CSMD1: variants seen among roughly 807,000 people sequenced by gnomAD.
CSMD1 encodes the protein CUB and sushi domain-containing protein 1.
A neutral mutation model predicts 417.5 loss-of-function variants in CSMD1; 213 were observed. The ratio of observed to expected loss-of-function variants is 0.51; its 90% CI spans 0.46 to 0.57. The LOEUF (loss-of-function observed/expected upper bound fraction) is 0.57, where lower values mean the gene tolerates loss of function less well. Ranked by LOEUF, CSMD1 falls within the 20% of genes least tolerant of loss-of-function variation. The pLI, the probability that CSMD1 is intolerant of heterozygous loss-of-function variation, is 0.00. For synonymous variants in CSMD1, 2,862 were observed against 1,736.8 expected (o/e 1.65, Z -16.11); for missense variants, 6,923 against 4,529.7 (o/e 1.53, Z -15.17).
chr8:3,230,353 C>A, intron 26 of CSMD1, 122 bp from the exon 27 acceptor site: 2 of 608,598 alleles, frequency 3.3e-6, no homozygotes. Context: ...TTTGTCTACA[C>A]ATGAACATAC....
intron 3 of CSMD1, among the ~76,000 whole-genome samples, chr8:4,154,097 A>G (rs1796706179): frequency 6.6e-6 from 1 of 152,194 alleles, no homozygotes; most frequent in African/African-American, 2.4e-5. Flanking sequence ...AAAATACAGC[A>G]AAGAGTCAGG....
chr8:3,041,646 A>T (rs989319304), intron 50 of CSMD1, among the ~76,000 whole-genome samples: 1 of 152,260 alleles, frequency 6.6e-6, no homozygotes, highest in Non-Finnish European at 1.5e-5. Flanking sequence ...TCATACATAG[A>T]TAGAAATGTG....
rs954395774 is a variant in CSMD1 at position 4,255,520 on chromosome 8, C to G, written c.415+164433G>C. Among the ~76,000 whole-genome samples, 38 of 152,162 alleles carry G rather than the reference C, an allele frequency of 2.5e-4. 1 individual carries two copies. Among genetic ancestry groups the G allele is most frequent in the African/African-American group, 7.5e-4 (31 of 41,426 alleles). On this transcript the variant is annotated intron_variant, in intron 3 of 69. Transcript: ENST00000635120. ...GAAATGTGCAATAGCAGTGGATTAACCGGTTAAAAGTCGCAATCACTTTTG... is the reference window on the plus strand; with the variant it reads ...GAAATGTGCAATAGCAGTGGATTAAGCGGTTAAAAGTCGCAATCACTTTTG...
chr8:3,925,109 A>C (rs1490297431), intron 5 of CSMD1, among the ~76,000 whole-genome samples: 1 of 152,190 alleles, frequency 6.6e-6, no homozygotes, highest in East Asian at 1.9e-4. Context: ...CTTACCAGTC[A>C]GTAAAGAGAG....
intron 23 of CSMD1, among the ~76,000 whole-genome samples, chr8:3,321,106 C>G (rs1806125734): frequency 6.6e-6 from 1 of 152,148 alleles, no homozygotes. Context: ...CTCCTGTCAA[C>G]CTAGCCACCG....
chr8:4,944,817 G>A (rs4875129), intron 1 of CSMD1, among the ~76,000 whole-genome samples: 46,400 of 151,936 alleles, frequency 0.31, 8,081 homozygotes, highest in Non-Finnish European at 0.4. Context: ...AAAATGGTGC[G>A]TGGTGGCTAC....
intron 3 of CSMD1, among the ~76,000 whole-genome samples, chr8:4,241,923 A>G (rs1802429661): frequency 6.6e-6 from 1 of 152,204 alleles, no homozygotes; most frequent in Non-Finnish European, 1.5e-5. Context: ...AAGCTATTTT[A>G]TACTGTCCTA....
intron 5 of CSMD1, among the ~76,000 whole-genome samples, chr8:3,962,032 G>A (rs1201042899): frequency 2.0e-5 from 3 of 152,144 alleles, no homozygotes; most frequent in African/African-American, 7.2e-5. Flanking sequence ...TATTTCCTCA[G>A]AGTTCCTGGA....
At chr8:3,601,140 CT>C (rs1222810568) in intron 8 of CSMD1, among the ~76,000 whole-genome samples, 1 of 152,180 alleles carries the variant, frequency 6.6e-6, no homozygotes, top group Admixed American at 6.5e-5. Context: ...AGGTTTGCCT[CT>C]GGCTTCTGAG....
chr8:3,061,904 A>T (rs1397923806), intron 49 of CSMD1, among the ~76,000 whole-genome samples: 2 of 152,168 alleles, frequency 1.3e-5, no homozygotes, highest in Admixed American at 1.3e-4. Context: ...CATTCTTATG[A>T]CTAGTAAACG....
chr8:3,394,249 T>C (rs1324029190), intron 17 of CSMD1, among the ~76,000 whole-genome samples: 7 of 146,902 alleles, frequency 4.8e-5, no homozygotes, highest in Non-Finnish European at 1.0e-4. Context: ...TATTATATTA[T>C]AGTATAATAT....
chr8:3,261,700 G>C (rs1585840374), intron 26 of CSMD1, among the ~76,000 whole-genome samples: 1 of 151,962 alleles, frequency 6.6e-6, no homozygotes, highest in African/African-American at 2.4e-5. Context: ...GCAACAAGCC[G>C]GCCCCATCAG....
chr8:4,158,220 T>C (rs767262550), intron 3 of CSMD1, among the ~76,000 whole-genome samples: 35 of 152,056 alleles, frequency 2.3e-4, no homozygotes, highest in East Asian at 1.7e-3. Context: ...TTTGGCACCA[T>C]TGATGCTAGG....
chr8:3,339,053 T>A (rs1807469658), intron 23 of CSMD1, among the ~76,000 whole-genome samples: 1 of 147,080 alleles, frequency 6.8e-6, no homozygotes, highest in South Asian at 2.2e-4. Context: ...ATCTCATTGT[T>A]CAATTCCCAC....
intron 18 of CSMD1, 97 bp downstream of exon 18, chr8:3,387,397 T>C: frequency 2.0e-6 from 2 of 1,004,180 alleles, no homozygotes; most frequent in South Asian, 1.6e-5. Flanking sequence ...AGTCGTAAGG[T>C]ACCACCCCCT....
chr8:4,071,407 A>G (rs1799550688), intron 3 of CSMD1, among the ~76,000 whole-genome samples: 1 of 151,868 alleles, frequency 6.6e-6, no homozygotes, highest in African/African-American at 2.4e-5. Context: ...TTTAAAAAAA[A>G]TTGTAGTTTA....
At chr8:3,278,784 G>A (rs1802507723) in intron 26 of CSMD1, 1 of 152,082 alleles carries the variant, frequency 6.6e-6, no homozygotes, top group African/African-American at 2.4e-5. Context: ...TGCACTTTGT[G>A]AAGAGTTTCC....
intron 3 of CSMD1, among the ~76,000 whole-genome samples, chr8:4,287,763 C>A (rs974356189): frequency 6.6e-6 from 1 of 151,508 alleles, no homozygotes; most frequent in African/African-American, 2.4e-5. Context: ...AAAGTGGACC[C>A]GGTCGGTTGA....
chr8:3,952,959 A>G (rs2554512), intron 5 of CSMD1, among the ~76,000 whole-genome samples: 49,507 of 151,996 alleles, frequency 0.33, 9,664 homozygotes, highest in African/African-American at 0.54. Flanking sequence ...AATACAAAAC[A>G]ACCTTCCAGA....
Sources: allele counts gnomAD v4.1 joint callset (sites outside exome capture counted in the v4.1 genomes callset), GRCh38; gene constraint gnomAD v4.1.1; transcripts MANE v1.5; gene names NCBI Gene and HGNC (gene_info 2026-07-23, HGNC 2026-07-21).